SEM1: variants seen among roughly 807,000 people sequenced by gnomAD.
SEM1 encodes the protein 26S proteasome complex subunit SEM1.
Under a neutral mutation model 12.7 loss-of-function variants are expected in SEM1, and 3 were observed. That is an observed-to-expected ratio of 0.24 (90% confidence interval 0.11 to 0.61). The LOEUF (loss-of-function observed/expected upper bound fraction) is 0.61, where lower values mean the gene tolerates loss of function less well. Ranked by LOEUF, SEM1 falls within the 20% of genes least tolerant of loss-of-function variation. SEM1 has a pLI of 0.88. For missense variants in SEM1, 59 were observed against 81.3 expected, an observed-to-expected ratio of 0.73 and a Z score of 1.06; for synonymous variants, 30 against 27.8, an observed-to-expected ratio of 1.08 and a Z score of -0.25.
chr7:96,638,140 G>A (rs779249238), intron 2 of SEM1, among the ~76,000 whole-genome samples: 7 of 151,966 alleles, frequency 4.6e-5, no homozygotes, highest in Non-Finnish European at 8.8e-5. Flanking sequence ...TCTTCACCTC[G>A]TTCCTCCATT....
At chr7:96,609,711 C>A (rs1807485302) in intron 2 of SEM1, among the ~76,000 whole-genome samples, 1 of 152,152 alleles carries the variant, frequency 6.6e-6, no homozygotes, top group South Asian at 2.1e-4. Flanking sequence ...GGGGACCCTT[C>A]TTGTAAGAGA....
At chr7:96,572,096 T>A (rs62471408) in intron 2 of SEM1, among the ~76,000 whole-genome samples, 47,162 of 152,060 alleles carry the variant, frequency 0.31, 7,343 homozygotes, top group Middle Eastern at 0.32. Context: ...TATTCTCTGA[T>A]GGTAGTTTGT....
chr7:96,522,845 C>G (rs751948329), intron 2 of SEM1, among the ~76,000 whole-genome samples: 1 of 129,970 alleles, frequency 7.7e-6, no homozygotes, highest in Admixed American at 8.8e-5. Context: ...GAGCCAAGAT[C>G]ACATCATTGC....
intron 1 of SEM1, among the ~76,000 whole-genome samples, chr7:96,701,151 A>G (rs1790260822): frequency 6.6e-6 from 1 of 152,130 alleles, no homozygotes; most frequent in South Asian, 2.1e-4. Context: ...GAGAGAAAAA[A>G]GGAGACTAAT....
intron 2 of SEM1, among the ~76,000 whole-genome samples, chr7:96,520,133 T>C (rs1306511320): frequency 6.6e-6 from 1 of 152,070 alleles, no homozygotes; most frequent in Non-Finnish European, 1.5e-5. Flanking sequence ...AGTAGGATCA[T>C]ACATACATAC....
At chr7:96,485,828 C>A (rs1196911371) in intron 2 of SEM1, among the ~76,000 whole-genome samples, 1 of 152,130 alleles carries the variant, frequency 6.6e-6, no homozygotes, top group Non-Finnish European at 1.5e-5. Context: ...GCATGAGCCA[C>A]TACGCCTGGC....
intron 2 of SEM1, among the ~76,000 whole-genome samples, chr7:96,652,135 AATGCAATTGAATC>A (rs1809012460): frequency 6.6e-6 from 1 of 152,208 alleles, no homozygotes; most frequent in South Asian, 2.1e-4. Flanking sequence ...GATTCATTTA[AATGCAATTGAATC>A]ATGAAGAATT....
intron 1 of SEM1, among the ~76,000 whole-genome samples, chr7:96,706,007 G>C (rs2116045560): frequency 6.6e-6 from 1 of 152,142 alleles, no homozygotes; most frequent in African/African-American, 2.4e-5. Context: ...CCAGGACCTT[G>C]AATGTCTTCC....
chr7:96,674,004 C>G, intron 2 of SEM1: 1 of 612,250 alleles, frequency 1.6e-6, no homozygotes, highest in South Asian at 1.9e-5. Context: ...TACCTCCCCT[C>G]TCCCTGACTC....
chr7:96,597,401 A>G (rs1312866219), intron 2 of SEM1, among the ~76,000 whole-genome samples: 3 of 152,106 alleles, frequency 2.0e-5, no homozygotes, highest in Non-Finnish European at 4.4e-5. Context: ...AGCATTCCAA[A>G]TGCCCTTAAG....
At chr7:96,708,552 T>C (rs541562878) in intron 1 of SEM1, among the ~76,000 whole-genome samples, 1 of 152,198 alleles carries the variant, frequency 6.6e-6, no homozygotes, top group Non-Finnish European at 1.5e-5. Flanking sequence ...GTAATCTCCT[T>C]TTCTTATAAG....
At chr7:96,563,131 G>A (rs1805740619) in intron 2 of SEM1, among the ~76,000 whole-genome samples, 1 of 152,078 alleles carries the variant, frequency 6.6e-6, no homozygotes. Context: ...TTGGAGAAAT[G>A]TTCCTGAGTA....
downstream of SEM1, among the ~76,000 whole-genome samples, chr7:96,619,378 T>C (rs1244875462): frequency 2.0e-5 from 3 of 151,434 alleles, no homozygotes; most frequent in African/African-American, 7.3e-5. Flanking sequence ...CAGTGGTATC[T>C]GATTTTCTTA....
chr7:96,613,832 A>T (rs1345166583), intron 2 of SEM1, among the ~76,000 whole-genome samples: 6 of 152,246 alleles, frequency 3.9e-5, no homozygotes, highest in Admixed American at 2.0e-4. Flanking sequence ...TTCACTTAGC[A>T]TAATGTCCTC....
intron 2 of SEM1, among the ~76,000 whole-genome samples, chr7:96,660,385 T>C (rs530220456): frequency 6.6e-6 from 1 of 152,190 alleles, no homozygotes; most frequent in Non-Finnish European, 1.5e-5. Context: ...CAATTCTTGA[T>C]AGGTCAAAGA....
At chr7:96,662,522 G>A (rs1789038762) in intron 2 of SEM1, among the ~76,000 whole-genome samples, 1 of 152,086 alleles carries the variant, frequency 6.6e-6, no homozygotes, top group African/African-American at 2.4e-5. Flanking sequence ...CCTGTCAGGG[G>A]GTGGGAGGCA....
chr7:96,588,065 C>A (rs1293097457), intron 2 of SEM1, among the ~76,000 whole-genome samples: 2 of 152,164 alleles, frequency 1.3e-5, no homozygotes, highest in Non-Finnish European at 2.9e-5. Context: ...TACACCTCAT[C>A]AAGCCAACTA....
intron 2 of SEM1, among the ~76,000 whole-genome samples, chr7:96,616,492 G>C (rs943537829): frequency 6.6e-6 from 1 of 151,840 alleles, no homozygotes; most frequent in Non-Finnish European, 1.5e-5. Flanking sequence ...TCCCTATTCT[G>C]TAGGTTACCT....
At chr7:96,642,822 TCA>T (rs1371020621) in intron 2 of SEM1, among the ~76,000 whole-genome samples, 1 of 152,074 alleles carries the variant, frequency 6.6e-6, no homozygotes, top group Admixed American at 6.6e-5. Context: ...TTGGTCATTT[TCA>T]GTTATAAGCA....
Sources: allele counts gnomAD v4.1 joint callset (sites outside exome capture counted in the v4.1 genomes callset), GRCh38; gene constraint gnomAD v4.1.1; transcripts MANE v1.5; gene names NCBI Gene and HGNC (gene_info 2026-07-23, HGNC 2026-07-21).